The following ZFYVE16 variants were observed in gnomAD, a reference collection of about 807,000 sequenced individuals.
ZFYVE16 encodes the protein zinc finger FYVE domain-containing protein 16.
Under a neutral mutation model 138.1 loss-of-function variants are expected in ZFYVE16, and 89 were observed. The observed-to-expected ratio is 0.64, with a 90% CI of 0.54 to 0.77. The LOEUF (loss-of-function observed/expected upper bound fraction) is 0.77, where lower values mean the gene tolerates loss of function less well. Ranked by LOEUF, ZFYVE16 falls within the 30% of genes least tolerant of loss-of-function variation. The probability of loss-of-function intolerance (pLI) is 0.00; values close to 1 mark genes in which losing one functional copy is unlikely to be tolerated. For synonymous variants in ZFYVE16, 596 were observed against 618.3 expected (o/e 0.96, Z 0.53); for missense variants, 1,793 against 1,786.7 (o/e 1.00, Z -0.06).
chr5:80,476,214 G>A (rs1267038959), intron 18 of ZFYVE16, among the ~76,000 whole-genome samples: 1 of 152,148 alleles, frequency 6.6e-6, no homozygotes, highest in Non-Finnish European at 1.5e-5. Context: ...TGGGATTATA[G>A]GTGTGAGCCA....
Position 80,438,168 on chromosome 5 carries a change from T to G in ZFYVE16, c.1483T>G (p.Cys495Gly). The G allele has an allele frequency of 6.2e-7, 1 of 1,613,922 alleles. No individual in the cohort carries two copies. The highest frequency in any genetic ancestry group is 8.5e-7 in the Non-Finnish European group (1 of 1,179,938). The change falls in exon 4 of 19, where the codon TGT becomes GGT. Residue 495 changes from cysteine to glycine, a missense_variant. This residue lies in a region of ZFYVE16 where 1,295 missense variants were observed against 1,204.3 expected (regional missense o/e 1.08). Coordinates refer to ENST00000505560, the MANE Select transcript of ZFYVE16 (RefSeq NM_001284236.3). ...CACTCATGTCCCAGAGTCTTCTGATTGTTGTGAAGGTTTTATTAATACTTT... is the reference window on the plus strand; with the variant it reads ...CACTCATGTCCCAGAGTCTTCTGATGGTTGTGAAGGTTTTATTAATACTTT... ...SGTHVPESSD[C>G]CEGFINTFSS...
chr5:80,443,596 T>G (rs536894252), intron 6 of ZFYVE16, among the ~76,000 whole-genome samples: 1 of 152,282 alleles, frequency 6.6e-6, no homozygotes, highest in African/African-American at 2.4e-5. Context: ...TCAGAAGCCC[T>G]GGTCACAGCA....
Position 80,424,653 on chromosome 5 carries a change from G to T in ZFYVE16, c.-93-2839G>T, listed in dbSNP as rs575210230. On this transcript the variant is annotated intron_variant, in intron 1 of 18. Transcript: ENST00000505560. ...ATTTTTGTACTTTTAGTAGAGACGG[G>T]GTTTCACTATGTTGGCCAGGCTGGT... Among the ~76,000 whole-genome samples, 128 of 151,996 alleles carry T rather than the reference G, an allele frequency of 8.4e-4. 1 individual carries two copies. Among genetic ancestry groups the T allele is most frequent in the African/African-American group, 3.0e-3 (126 of 41,468 alleles).
At position 80,437,945 on chromosome 5, in the gene ZFYVE16, T is replaced by C. The variant is rs1172318982; in HGVS notation, c.1260T>C (p.Ser420=). The C allele has an allele frequency of 3.1e-6, 5 of 1,613,748 alleles. No homozygotes were observed. The highest frequency in any genetic ancestry group is 4.2e-6 in the Non-Finnish European group (5 of 1,179,820). Residue 420 remains serine, a synonymous_variant, in exon 4 of 19, where the codon AGT becomes AGC. Coordinates refer to ENST00000505560, the MANE Select transcript of ZFYVE16 (RefSeq NM_001284236.3). ...CTATACATGAAGAAATACAGAACAG[T>C]GTTGTTCTAGGTGGGGAACCATTCA... ...AVTIHEEIQN[S]VVLGGEPFKE...
chr5:80,445,988 C>T (rs564666150), intron 7 of ZFYVE16, among the ~76,000 whole-genome samples: 105 of 151,564 alleles, frequency 6.9e-4, no homozygotes, highest in Non-Finnish European at 1.3e-3. Context: ...TTCTGCCTCC[C>T]GGATTCAAGT....
intron 1 of ZFYVE16, among the ~76,000 whole-genome samples, chr5:80,426,747 C>T (rs1355659792): frequency 6.6e-6 from 1 of 152,090 alleles, no homozygotes; most frequent in Non-Finnish European, 1.5e-5. Flanking sequence ...TGTGAACATA[C>T]ACATGCATGT....
chr5:80,433,705 A>G (rs1361695336), intron 2 of ZFYVE16, among the ~76,000 whole-genome samples: 1 of 152,128 alleles, frequency 6.6e-6, no homozygotes, highest in Non-Finnish European at 1.5e-5. Flanking sequence ...AAAAAGAAAA[A>G]AAAAAGCATT....
chr5:80,474,859 G>A (rs1432758630), intron 18 of ZFYVE16, 29 bp downstream of exon 18: 1 of 1,579,452 alleles, frequency 6.3e-7, no homozygotes, highest in African/African-American at 1.4e-5. Flanking sequence ...ATGTATTTTT[G>A]AAATGAATGT....
chr5:80,410,819 C>T (rs762206048), intron 1 of ZFYVE16, among the ~76,000 whole-genome samples: 7 of 151,744 alleles, frequency 4.6e-5, no homozygotes, highest in Non-Finnish European at 8.8e-5. Context: ...CCGCCTGCCT[C>T]GGCCTCCCAA....
At chr5:80,470,347 C>T (rs1392677827) in intron 15 of ZFYVE16, among the ~76,000 whole-genome samples, 4 of 151,936 alleles carry the variant, frequency 2.6e-5, no homozygotes, top group Non-Finnish European at 4.4e-5. Context: ...GTTATCCTCC[C>T]GCCTAGGCCT....
intron 1 of ZFYVE16, among the ~76,000 whole-genome samples, chr5:80,420,810 C>T: frequency 6.6e-6 from 1 of 152,154 alleles, no homozygotes; most frequent in East Asian, 1.9e-4. Context: ...GGTATGTACC[C>T]AGTAATGGGA....
chr5:80,449,716 A>G lies in ZFYVE16; in HGVS notation c.3226+3A>G. ...CGTGAATGTCAAATTCATATTTTGT[A>G]AGTAATAATTTATCCTTATTTGCTT... is the stretch of plus-strand genomic sequence containing the variant. On this transcript the variant is annotated splice_donor_region_variant and intron_variant, in intron 9 of 18. Transcript: ENST00000505560. The G allele has an allele frequency of 6.3e-7, 1 of 1,589,050 alleles. No homozygotes were observed. Among genetic ancestry groups the G allele is most frequent in the Non-Finnish European group, 8.5e-7 (1 of 1,170,564 alleles).
chr5:80,472,656 A>T, intron 15 of ZFYVE16, 105 bp from the exon 16 acceptor site: 4 of 1,130,782 alleles, frequency 3.5e-6, no homozygotes, highest in Non-Finnish European at 4.9e-6. Flanking sequence ...CAAATGATTT[A>T]AAACTTGTAT....
At position 80,448,041 on chromosome 5, in the gene ZFYVE16, G is replaced by A. The variant is rs1020203323; in HGVS notation, c.2740G>A (p.Asp914Asn). The A allele has an allele frequency of 3.1e-6, 5 of 1,605,152 alleles. No homozygotes were observed. The highest frequency in any genetic ancestry group is 3.4e-5 in the Admixed American group (2 of 58,776). Residue 914 changes from aspartate (D) to asparagine (N), a missense_variant, in exon 8 of 19, where the codon GAT becomes AAT. Physicochemically the swap from Asp to Asn is conservative, Grantham distance 23 (BLOSUM62 1). Coordinates refer to ENST00000505560, the MANE Select transcript of ZFYVE16 (RefSeq NM_001284236.3). ...PDVPMTVNTVDHSHSTTVEKP... is the reference protein window; with the variant it reads ...PDVPMTVNTVNHSHSTTVEKP... ...TATTTTACAGACAGTAAACACAGTG[G>A]ATCATTCCCATTCTACTACAGTGGA...
rs1407909768 is a variant in ZFYVE16 at position 80,421,325 on chromosome 5, C to A, written c.-93-6167C>A. ...ATTAGATCCCATTTGTCAACTGTGG[C>A]TTTTGTTGCCATTGCTTTGGTGTTT... On this transcript the variant is annotated intron_variant, in intron 1 of 18. Transcript: ENST00000505560. Among the ~76,000 whole-genome samples the A allele has an allele frequency of 1.2e-3, 184 of 152,300 alleles. 2 individuals carry two copies. The highest frequency in any genetic ancestry group is 4.3e-3 in the African/African-American group (177 of 41,556).
chr5:80,457,030 G>A lies in ZFYVE16; in HGVS notation c.3881G>A (p.Cys1294Tyr). The A allele has an allele frequency of 6.2e-7, 1 of 1,613,124 alleles. No individual in the cohort carries two copies. Among genetic ancestry groups the A allele is most frequent in the Non-Finnish European group, 8.5e-7 (1 of 1,179,678 alleles). ...FSTEADSHLV[C>Y]IQNDGIYETQ... ...ACAGAAGCAGATTCTCATCTAGTCT[G>A]TATACAGAATGATGGAATTTATGAA... Residue 1294 changes from cysteine (C) to tyrosine (Y), a missense_variant, in exon 14 of 19, where the codon TGT (cysteine) becomes TAT (tyrosine). Cys to Tyr is a radical substitution (Grantham distance 194, BLOSUM62 -2). Transcript: ENST00000505560.
At chr5:80,421,316 C>T (rs1021130710) in intron 1 of ZFYVE16, among the ~76,000 whole-genome samples, 6 of 152,142 alleles carry the variant, frequency 3.9e-5, no homozygotes, top group Non-Finnish European at 5.9e-5. Flanking sequence ...TCCCATTTGT[C>T]AACTGTGGCT....
At position 80,481,644 on chromosome 5, in the gene ZFYVE16, T is replaced by C. The variant is rs1029112179; in HGVS notation, c.*4267T>C. Among the ~76,000 whole-genome samples, 6 of 152,096 alleles carry C rather than the reference T, an allele frequency of 3.9e-5. No individual in the cohort carries two copies. Among genetic ancestry groups the C allele is most frequent in the African/African-American group, 1.4e-4 (6 of 41,398 alleles). On this transcript the variant is annotated 3_prime_UTR_variant, in exon 19 of 19. Coordinates refer to ENST00000505560, the MANE Select transcript of ZFYVE16 (RefSeq NM_001284236.3). ...CAAAACAAAAACATTCTTATGAAGA[T>C]TTAAACAGGATAGAGAATATCATAA...
At chr5:80,449,818 A>G in intron 9 of ZFYVE16, 105 bp downstream of exon 9, 1 of 1,275,588 alleles carries the variant, frequency 7.8e-7, no homozygotes, top group Non-Finnish European at 1.1e-6. Flanking sequence ...AATAAGCAGG[A>G]TTGGATATTG....
Sources: gnomAD v4.1 joint callset for allele counts (sites outside exome capture counted in the v4.1 genomes callset) on GRCh38, gnomAD v4.1.1 for gene constraint, gnomAD v4.1.1 regional missense constraint, MANE v1.5 for transcripts, NCBI Gene and HGNC (gene_info 2026-07-23, HGNC 2026-07-21) for gene names.